THOC5: variants seen among roughly 807,000 people sequenced by gnomAD.
THOC5 encodes the protein THO complex subunit 5, also known as Fms-interacting protein.
In THOC5, 43 loss-of-function variants were observed where a neutral mutation model predicts 92.9. The observed-to-expected ratio is 0.46, with a 90% CI of 0.36 to 0.60. The LOEUF is 0.60. THOC5 is among the 20% of genes least tolerant of loss of function. The probability of loss-of-function intolerance (pLI) is 0.00; values close to 1 mark genes in which losing one functional copy is unlikely to be tolerated. For synonymous variants in THOC5, 296 were observed against 320.1 expected (o/e 0.92, Z 0.80); for missense variants, 659 against 849.4 (o/e 0.78, Z 2.79).
chr22:29,536,840 A>T, intron 6 of THOC5, 102 bp from the exon 7 acceptor site: 1 of 723,054 alleles, frequency 1.4e-6, no homozygotes, highest in Non-Finnish European at 2.5e-6. Context: ...GCCATGATTA[A>T]CTGCCAATGT....
rs1305743131 is a variant in THOC5, at chr22:29,512,070, C to G, written c.1748G>C (p.Cys583Ser). The G allele has an allele frequency of 1.9e-6, 3 of 1,614,138 alleles. No homozygotes were observed. The highest frequency in any genetic ancestry group is 2.5e-6 in the Non-Finnish European group (3 of 1,180,012). The change falls in exon 18 of 20, where the codon TGT becomes TCT. Residue 583 changes from cysteine (C) to serine (S), a missense_variant. Transcript: ENST00000490103. ...YSSIPPVFQL[C>S]LNWKGEKTNS... Reference sequence around the variant, plus strand: ...GGTTTTCTCCCCTTTCCAGTTCAAACAGAGCTGGAAAACAGGTGGGATGGA... The same window carrying G: ...GGTTTTCTCCCCTTTCCAGTTCAAAGAGAGCTGGAAAACAGGTGGGATGGA...
Position 29,531,598 on chromosome 22 carries a change from C to A in THOC5, c.847+233G>T, listed in dbSNP as rs2063656709. The A allele has an allele frequency of 4.0e-6, 5 of 1,261,070 alleles. No individual in the cohort carries two copies. In the Admixed American group the frequency reaches 1.5e-4, roughly 38 times the overall value. 78.1% of individuals were successfully genotyped at this position (1,261,070 alleles called of 1,614,324 possible). A position where few individuals can be genotyped will look rare whatever the true frequency, so the allele number is the denominator to read the frequency against. On this transcript the variant is annotated intron_variant, in intron 8 of 19. Transcript: ENST00000490103. ...TGCACCCAAGAGCTGTCCAGCCAGG[C>A]TCACGAATGACTCAAAGCCACCCAT...
At chr22:29,509,063 G>C (rs2063172611) in intron 19 of THOC5, among the ~76,000 whole-genome samples, 1 of 152,096 alleles carries the variant, frequency 6.6e-6, no homozygotes, top group Non-Finnish European at 1.5e-5. Flanking sequence ...ATCCTGGCCG[G>C]AGAGCCTTGC....
At chr22:29,525,634 A>C (rs1185754071) in intron 12 of THOC5, among the ~76,000 whole-genome samples, 1 of 152,184 alleles carries the variant, frequency 6.6e-6, no homozygotes, top group Non-Finnish European at 1.5e-5. Flanking sequence ...GCTGTGTAGT[A>C]AGAGGACTTC....
intron 12 of THOC5, among the ~76,000 whole-genome samples, chr22:29,522,517 A>T (rs1329903326): frequency 1.3e-5 from 2 of 152,114 alleles, no homozygotes; most frequent in Admixed American, 6.6e-5. Context: ...AATTGACAAA[A>T]CCTGATGAAG....
chr22:29,531,978 C>G lies in THOC5; in HGVS notation c.715-15G>C, dbSNP rs75842205. ...GGAAGGGAAGCCTGCACACAAGAGA[C>G]AGATTTTTGTTCTTCCTTTTTTAGC... On this transcript the variant is annotated splice_polypyrimidine_tract_variant and intron_variant, in intron 7 of 19. Transcript: ENST00000490103. 0.018 allele frequency: 29,756 copies of G among 1,612,656 alleles called. 349 individuals are homozygous for G. The highest frequency in any genetic ancestry group is 0.022 in the Non-Finnish European group (25,529 of 1,178,980).
rs768917796 is a variant in THOC5 at position 29,528,173 on chromosome 22, C to T, written c.971G>A (p.Arg324His). ...SDAEEEQTTK[R>H]RRPTLGVQLD... ...CTGAACCCCCAGTGTGGGTCTCCGG[C>T]GCTTCTGGACAAAGGAAAGTGCCAA... is the stretch of plus-strand genomic sequence containing the variant. Residue 324 changes from arginine to histidine, a missense_variant, in exon 11 of 20, where the codon CGC becomes CAC. Physicochemically the swap from Arg to His is conservative, Grantham distance 29. Coordinates refer to ENST00000490103, the MANE Select transcript of THOC5 (RefSeq NM_003678.5). The T allele has an allele frequency of 1.1e-5, 18 of 1,613,876 alleles. No homozygotes were observed. The highest frequency in any genetic ancestry group is 1.6e-4 in the Middle Eastern group (1 of 6,062).
At chr22:29,523,157 A>G (rs2063478079) in intron 12 of THOC5, among the ~76,000 whole-genome samples, 1 of 151,102 alleles carries the variant, frequency 6.6e-6, no homozygotes, top group Non-Finnish European at 1.5e-5. Flanking sequence ...CAGGAGAATC[A>G]CTTGAACCAG....
intron 15 of THOC5, 100 bp from the exon 16 acceptor site, chr22:29,517,466 C>T (rs768568635): frequency 4.0e-5 from 40 of 1,001,214 alleles, no homozygotes; most frequent in Non-Finnish European, 5.3e-5. Flanking sequence ...TCAGATGGCC[C>T]GGCCAGCTAT....
chr22:29,532,592 G>A (rs1273632790), intron 7 of THOC5, among the ~76,000 whole-genome samples: 1 of 152,214 alleles, frequency 6.6e-6, no homozygotes. Flanking sequence ...TTGAATCCAG[G>A]AAGTGGAGGT....
Position 29,529,239 on chromosome 22 carries a change from T to C in THOC5, c.848A>G (p.Asp283Gly). ...TTCGATTGCCACAGATAACGTCTTA[T>C]CTGGGGGGCAAGAAGAAGTCTGTTA... is the stretch of plus-strand genomic sequence containing the variant. ...VQATAYGQACDKTLSVAIEGS... is the reference protein window; with the variant it reads ...VQATAYGQACGKTLSVAIEGS... The change falls in exon 9 of 20, where the codon GAT (aspartate) becomes GGT (glycine). Residue 283 changes from aspartate (D) to glycine (G), a missense_variant and splice_region_variant. By Grantham distance (94) the Asp-to-Gly change is moderately conservative. Transcript: ENST00000490103. 1 of 1,614,156 alleles carries C rather than the reference T, an allele frequency of 6.2e-7. No individual in the cohort carries two copies. Among genetic ancestry groups the C allele is most frequent in the South Asian group, 1.1e-5 (1 of 91,082 alleles).
intron 2 of THOC5, among the ~76,000 whole-genome samples, chr22:29,546,025 C>T (rs2064010906): frequency 2.0e-5 from 3 of 152,232 alleles, no homozygotes; most frequent in South Asian, 2.1e-4. Context: ...GAAATCCAGG[C>T]GGAGGTTCCC....
Position 29,529,202 on chromosome 22 carries a change from A to G in THOC5, c.885T>C (p.Asp295=), listed in dbSNP as rs2063604153. Residue 295 remains aspartate, a synonymous_variant, in exon 9 of 20, where the codon GAT becomes GAC. Transcript: ENST00000490103. ...TLSVAIEGSV[D]EAKALFKPPE... is the part of the protein sequence containing the mutation. ...GAGGTTTGAACAGAGCCTTGGCTTCATCCACACTGCCTTCGATTGCCACAG... is the reference window on the plus strand; with the variant it reads ...GAGGTTTGAACAGAGCCTTGGCTTCGTCCACACTGCCTTCGATTGCCACAG... The G allele has an allele frequency of 1.2e-6, 2 of 1,614,114 alleles. No individual in the cohort carries two copies. Among genetic ancestry groups the G allele is most frequent in the Admixed American group, 1.7e-5 (1 of 60,004 alleles).
chr22:29,524,952 C>A (rs1393179765), intron 12 of THOC5, among the ~76,000 whole-genome samples: 4 of 152,184 alleles, frequency 2.6e-5, no homozygotes, highest in African/African-American at 9.7e-5. Context: ...CATGACCCTT[C>A]TTCCCGCCCA....
chr22:29,522,298 G>A (rs2063458729), intron 12 of THOC5, among the ~76,000 whole-genome samples: 1 of 151,772 alleles, frequency 6.6e-6, no homozygotes, highest in African/African-American at 2.4e-5. Context: ...AGACGGAGCT[G>A]GCAATAAGCC....
chr22:29,517,509 G>A lies in THOC5; in HGVS notation c.1490-143C>T, dbSNP rs575536412. 13 of 674,712 alleles carry A rather than the reference G, an allele frequency of 1.9e-5. No individual in the cohort carries two copies. The South Asian group carries it at 2.0e-4, about 11-fold the overall frequency. The allele number at this position is 674,712 out of a possible 1,614,324, so 41.8% of individuals were successfully genotyped here. ...TACCTGGTACTCAGGAAGTACCCAG[G>A]TCAACACGTGCCAGGAATGCAAGCA... On this transcript the variant is annotated intron_variant, in intron 15 of 19. Coordinates refer to ENST00000490103, the MANE Select transcript of THOC5 (RefSeq NM_003678.5).
chr22:29,513,982 C>T (rs1372148478), intron 17 of THOC5: 1 of 148,392 alleles, frequency 6.7e-6, no homozygotes, highest in African/African-American at 2.5e-5. Context: ...CAGAGTCTCG[C>T]TCTTGTTACC....
intron 12 of THOC5, among the ~76,000 whole-genome samples, chr22:29,525,122 G>C (rs1192017039): frequency 6.6e-6 from 1 of 152,010 alleles, no homozygotes; most frequent in African/African-American, 2.4e-5. Flanking sequence ...AATAAAAATA[G>C]AAAGTCAGCC....
intron 8 of THOC5, among the ~76,000 whole-genome samples, chr22:29,529,537 C>A (rs1005862173): frequency 2.0e-5 from 3 of 152,216 alleles, no homozygotes; most frequent in Non-Finnish European, 4.4e-5. Context: ...GAAATTCAAA[C>A]TGAGGGCCTA....
Sources: allele counts gnomAD v4.1 joint callset (sites outside exome capture counted in the v4.1 genomes callset), GRCh38; gene constraint gnomAD v4.1.1; transcripts MANE v1.5; gene names NCBI Gene and HGNC (gene_info 2026-07-23, HGNC 2026-07-21).